The following HMCN1 variants were observed in gnomAD, a reference collection of about 807,000 sequenced individuals.
HMCN1 encodes the protein hemicentin 1, also known as hemicentin-1.
Under a neutral mutation model 625.9 loss-of-function variants are expected in HMCN1, and 321 were observed. That is an observed-to-expected ratio of 0.51 (90% CI 0.47 to 0.56). HMCN1 has a LOEUF of 0.56. HMCN1 is among the 20% of genes least tolerant of loss of function. The pLI, the probability that HMCN1 is intolerant of heterozygous loss-of-function variation, is 0.00. For missense variants in HMCN1, 6,588 were observed against 6,887.3 expected (o/e 0.96, Z 1.54); for synonymous variants, 2,425 against 2,417.6 (o/e 1.00, Z -0.09).
At chr1:186,011,245 C>T (rs988782795) in intron 30 of HMCN1, among the ~76,000 whole-genome samples, 1 of 152,312 alleles carries the variant, frequency 6.6e-6, no homozygotes, top group East Asian at 1.9e-4. Flanking sequence ...TGGCATTTCA[C>T]TGTGTTAGCC....
At chr1:186,099,728 G>A (rs1375207979) in intron 68 of HMCN1, among the ~76,000 whole-genome samples, 1 of 152,142 alleles carries the variant, frequency 6.6e-6, no homozygotes, top group Non-Finnish European at 1.5e-5. Flanking sequence ...GTAGAGATGA[G>A]TGGGGAATTT....
At chr1:186,027,132 A>G (rs1655109766) in intron 36 of HMCN1, among the ~76,000 whole-genome samples, 1 of 152,200 alleles carries the variant, frequency 6.6e-6, no homozygotes, top group Non-Finnish European at 1.5e-5. Flanking sequence ...TCAAAGCTGT[A>G]GTAAGGGTGC....
At chr1:185,845,374 T>C (rs1026530849) in intron 1 of HMCN1, among the ~76,000 whole-genome samples, 1 of 152,136 alleles carries the variant, frequency 6.6e-6, no homozygotes. Flanking sequence ...TGTGCCACCA[T>C]GCCTGGCTAA....
intron 91 of HMCN1, among the ~76,000 whole-genome samples, chr1:186,144,955 A>G (rs530598778): frequency 1.3e-5 from 2 of 152,336 alleles, no homozygotes; most frequent in African/African-American, 4.8e-5. Context: ...GCACCCCTGC[A>G]TGCTAACTCT....
At chr1:185,775,584 T>C (rs953436825) in intron 1 of HMCN1, among the ~76,000 whole-genome samples, 1 of 152,170 alleles carries the variant, frequency 6.6e-6, no homozygotes, top group Non-Finnish European at 1.5e-5. Flanking sequence ...GGAACATACT[T>C]TGCAGGGAAT....
chr1:186,048,944 GAAC>G (rs1428800067), intron 42 of HMCN1, 105 bp downstream of exon 42: 1 of 726,660 alleles, frequency 1.4e-6, no homozygotes, highest in African/African-American at 1.7e-5. Flanking sequence ...ATAGGTAGAT[GAAC>G]AACAATTAGT....
chr1:186,003,618 T>A (rs1008472482), intron 28 of HMCN1, 100 bp from the exon 29 acceptor site: 1 of 1,106,106 alleles, frequency 9.0e-7, no homozygotes, highest in Non-Finnish European at 1.4e-6. Flanking sequence ...GACATTAAGA[T>A]CTTGTTGAAA....
chr1:185,808,250 G>A lies in HMCN1; in HGVS notation c.269-37776G>A, dbSNP rs116596642. Among the ~76,000 whole-genome samples the A allele has an allele frequency of 7.6e-3, 1,162 of 152,150 alleles. 10 individuals carry two copies. Among genetic ancestry groups the A allele is most frequent in the Middle Eastern group, 0.027 (8 of 294 alleles). On this transcript the variant is annotated intron_variant, in intron 1 of 106. Transcript: ENST00000271588. ...TAATCCCAGCTATTTGGGGCACTGC[G>A]GCACGAGAATCCCTTGAACCTCAGA...
chr1:185,848,382 C>A (rs374949638), intron 2 of HMCN1, among the ~76,000 whole-genome samples: 1 of 152,220 alleles, frequency 6.6e-6, no homozygotes, highest in Middle Eastern at 3.4e-3. Context: ...TTTGTTCCCT[C>A]ATCCATGTTT....
intron 1 of HMCN1, among the ~76,000 whole-genome samples, chr1:185,784,559 T>C (rs1328936793): frequency 6.6e-6 from 1 of 152,048 alleles, no homozygotes; most frequent in Non-Finnish European, 1.5e-5. Flanking sequence ...TTGGTTTTGA[T>C]AGTTGTGCTT....
chr1:186,033,354 G>A (rs572454773), intron 36 of HMCN1, among the ~76,000 whole-genome samples: 2 of 152,180 alleles, frequency 1.3e-5, no homozygotes, highest in Admixed American at 6.6e-5. Context: ...TATACTGTTC[G>A]AGTGATGGGT....
chr1:185,903,817 A>T (rs7523598), intron 4 of HMCN1, among the ~76,000 whole-genome samples: 5,732 of 151,886 alleles, frequency 0.038, 392 homozygotes, highest in African/African-American at 0.13. Flanking sequence ...CAGCTCATTC[A>T]TCTACCATGA....
Position 186,019,654 on chromosome 1 carries a change from A to G in HMCN1, c.5584A>G (p.Lys1862Glu), listed in dbSNP as rs147131235. The G allele has an allele frequency of 7.4e-6, 12 of 1,612,476 alleles. No individual in the cohort carries two copies. Among genetic ancestry groups the G allele is most frequent in the Middle Eastern group, 1.7e-4 (1 of 6,054 alleles). The change falls in exon 35 of 107, where the codon AAA (lysine) becomes GAA (glutamate). Residue 1862 changes from lysine (K) to glutamate (E), a missense_variant. Coordinates refer to ENST00000271588, the MANE Select transcript of HMCN1 (RefSeq NM_031935.3). ...GIPNPSITWLKDDQPVNTAQG... is the reference protein window; with the variant it reads ...GIPNPSITWLEDDQPVNTAQG... The stretch of plus-strand genomic sequence containing the variant: ...TCCAAATCCTTCCATTACATGGTTA[A>G]AAGATGACCAGCCTGTGAACACTGC...
intron 29 of HMCN1, among the ~76,000 whole-genome samples, chr1:186,005,894 G>C (rs1454263428): frequency 6.6e-6 from 1 of 152,150 alleles, no homozygotes; most frequent in Non-Finnish European, 1.5e-5. Context: ...CCAGCACTTT[G>C]GGAGGCCAAG....
intron 20 of HMCN1, among the ~76,000 whole-genome samples, chr1:185,989,005 C>CTTTT (rs569764243): frequency 7.7e-5 from 9 of 117,554 alleles, no homozygotes; most frequent in East Asian, 2.5e-4. Context: ...ACTTTTAGTA[C>CTTTT]TTTTTTTTTT....
At chr1:186,081,071 C>T in intron 55 of HMCN1, 136 bp from the exon 56 acceptor site, 2 of 791,394 alleles carry the variant, frequency 2.5e-6, no homozygotes, top group South Asian at 1.4e-5. Context: ...AAAATGTTAC[C>T]TGGGGATCAT....
At chr1:186,082,837 A>T (rs758120032) in intron 56 of HMCN1, 28 bp from the exon 57 acceptor site, 7 of 1,364,316 alleles carry the variant, frequency 5.1e-6, no homozygotes, top group Non-Finnish European at 7.2e-6. Flanking sequence ...TCAAAATTTT[A>T]TTTGGAATTT....
intron 4 of HMCN1, among the ~76,000 whole-genome samples, chr1:185,877,926 T>G (rs114985399): frequency 3.9e-3 from 589 of 152,218 alleles, no homozygotes; most frequent in Non-Finnish European, 6.3e-3. Context: ...TGTCTGTTGT[T>G]CCTCTCTTTG....
At chr1:185,986,305 G>A (rs1003084906) in intron 19 of HMCN1, among the ~76,000 whole-genome samples, 1 of 152,122 alleles carries the variant, frequency 6.6e-6, no homozygotes, top group Non-Finnish European at 1.5e-5. Flanking sequence ...AACTTCTCCA[G>A]AGTAGTTATG....
Sources: gnomAD v4.1 joint callset for allele counts (sites outside exome capture counted in the v4.1 genomes callset) on GRCh38, gnomAD v4.1.1 for gene constraint, MANE v1.5 for transcripts, NCBI Gene and HGNC (gene_info 2026-07-23, HGNC 2026-07-21) for gene names.